Variants in PRKDC observed in about 807,000 individuals in gnomAD.
The protein encoded by PRKDC is protein kinase, DNA-activated, catalytic subunit, also known as DNA-dependent protein kinase catalytic subunit.
PRKDC carries 82 observed loss-of-function variants against 486.9 expected under a neutral mutation model. That is an observed-to-expected ratio of 0.17 (90% CI 0.14 to 0.20). PRKDC has a LOEUF of 0.20. Among genes scored for constraint, PRKDC ranks in the 10% least tolerant of loss-of-function variants. PRKDC has a pLI of 1.00. For missense variants in PRKDC, 4,504 were observed against 5,038.2 expected, an observed-to-expected ratio of 0.89 and a Z score of 3.21; for synonymous variants, 1,895 against 1,837.0, an observed-to-expected ratio of 1.03 and a Z score of -0.81.
At position 47,817,042 on chromosome 8, in the gene PRKDC, T is replaced by C. The variant is rs8178214; in HGVS notation, c.9557+408A>G. ...GACCTGGGAAAGTGACACATGACTGTGTAATGGAGTTGGGAGGTAGGAGGC... is the reference window on the plus strand; with the variant it reads ...GACCTGGGAAAGTGACACATGACTGCGTAATGGAGTTGGGAGGTAGGAGGC... On this transcript the variant is annotated intron_variant, in intron 68 of 85. Coordinates refer to ENST00000314191, the MANE Select transcript of PRKDC (RefSeq NM_006904.7). Among the ~76,000 whole-genome samples, 591 of 152,268 alleles carry C rather than the reference T, an allele frequency of 3.9e-3. 6 individuals carry two copies. The highest frequency in any genetic ancestry group is 0.014 in the Admixed American group (207 of 15,292).
intron 69 of PRKDC, 67 bp downstream of exon 69, chr8:47,807,070 A>C (rs2087227609): frequency 6.8e-7 from 1 of 1,477,980 alleles, no homozygotes; most frequent in Non-Finnish European, 9.1e-7. Flanking sequence ...AGAAAAGCTA[A>C]AATTAGAGAA....
chr8:47,791,195 G>A (rs1203629539), intron 74 of PRKDC, among the ~76,000 whole-genome samples: 6 of 152,178 alleles, frequency 3.9e-5, no homozygotes, highest in Non-Finnish European at 1.5e-5. Context: ...AGCAAAATAT[G>A]GCCGGGCGCA....
chr8:47,905,772 G>A (rs2089769469), intron 25 of PRKDC, among the ~76,000 whole-genome samples: 1 of 152,140 alleles, frequency 6.6e-6, no homozygotes, highest in South Asian at 2.1e-4. Context: ...AAGGATCCTA[G>A]GTCTAATCTT....
intron 54 of PRKDC, among the ~76,000 whole-genome samples, chr8:47,845,978 C>T (rs778265239): frequency 2.0e-5 from 3 of 152,170 alleles, no homozygotes; most frequent in Admixed American, 6.5e-5. Context: ...AAAGTCAATG[C>T]GTGACAATCA....
At chr8:47,927,718 T>A in intron 20 of PRKDC, 53 bp downstream of exon 20, 1 of 1,441,970 alleles carries the variant, frequency 6.9e-7, no homozygotes, top group Non-Finnish European at 9.1e-7. Context: ...TTCTATGTGC[T>A]CTGGGACTCA....
In PRKDC at chr8:47,893,027, G is replaced by A. The variant is rs1023814093; in HGVS notation, c.3847+112C>T. 79 of 1,276,224 alleles carry A rather than the reference G, an allele frequency of 6.2e-5. No individual in the cohort carries two copies. In the Middle Eastern group the frequency reaches 1.2e-3, roughly 20 times the overall value. 79.1% of individuals were successfully genotyped at this position (1,276,224 alleles called of 1,614,324 possible). ...AGAAGTGACATGAAAGCACGGGCAAGGTGGTGCACAGCACCTACCATCATG... is the reference window on the plus strand; with the variant it reads ...AGAAGTGACATGAAAGCACGGGCAAAGTGGTGCACAGCACCTACCATCATG... On this transcript the variant is annotated intron_variant, in intron 31 of 85. Transcript: ENST00000314191.
At chr8:47,854,342 G>A (rs555728772) in intron 50 of PRKDC, 128 bp from the exon 51 acceptor site, 9 of 1,070,770 alleles carry the variant, frequency 8.4e-6, no homozygotes, top group African/African-American at 3.1e-5. Context: ...GTGCAGTGGC[G>A]TGACTGAGAC....
chr8:47,812,138 C>T (rs929453471), intron 68 of PRKDC, among the ~76,000 whole-genome samples: 2 of 152,076 alleles, frequency 1.3e-5, no homozygotes, highest in African/African-American at 2.4e-5. Flanking sequence ...AAATACAGTA[C>T]GTAAAAATAC....
At chr8:47,887,507 A>G in intron 35 of PRKDC, 40 bp downstream of exon 35, 1 of 1,472,258 alleles carries the variant, frequency 6.8e-7, no homozygotes, top group Non-Finnish European at 9.0e-7. Context: ...ATGTATTTCT[A>G]TTATTAGGGG....
At chr8:47,799,931 G>A (rs2087064067) in intron 71 of PRKDC, among the ~76,000 whole-genome samples, 1 of 151,860 alleles carries the variant, frequency 6.6e-6, no homozygotes, top group Admixed American at 6.6e-5. Context: ...TGATGGGTGG[G>A]GAAATTTAAT....
Position 47,913,999 on chromosome 8 carries a change from C to A in PRKDC, c.2683G>T (p.Ala895Ser). 6.2e-7 allele frequency: 1 copy of A among 1,605,264 alleles called. No individual in the cohort carries two copies. The highest frequency in any genetic ancestry group is 8.5e-7 in the Non-Finnish European group (1 of 1,175,418). ...GGTTTCATCTCTCTAAAGGGCACTG[C>A]AAAGCTCAGCCGCTTCTCTCTGTCC... is the stretch of plus-strand genomic sequence containing the variant. ...AWDREKRLSF[A>S]VPFREMKPVI... Residue 895 changes from alanine to serine, a missense_variant, in exon 24 of 86, where the codon GCA becomes TCA. Around this residue, in one of 6 missense-constraint regions of PRKDC, gnomAD observed 1,969 missense variants for 2,068.9 expected, o/e 0.95. Coordinates refer to ENST00000314191, the MANE Select transcript of PRKDC (RefSeq NM_006904.7).
intron 73 of PRKDC, among the ~76,000 whole-genome samples, chr8:47,795,050 C>A (rs1160902385): frequency 3.3e-5 from 5 of 151,778 alleles, no homozygotes; most frequent in Non-Finnish European, 7.4e-5. Context: ...CCATGCCCAG[C>A]TAATTTTCGT....
chr8:47,819,373 G>GAA, intron 67 of PRKDC, 29 bp downstream of exon 67: 4 of 1,316,664 alleles, frequency 3.0e-6, no homozygotes, highest in East Asian at 2.5e-5. Flanking sequence ...AATTAGAAAT[G>GAA]AAAAAAAAAG....
At position 47,866,156 on chromosome 8, in the gene PRKDC, CAAAAAAAAAAAAAA is replaced by C. The variant is rs766279016; in HGVS notation, c.5364-1407_5364-1394del. Among the ~76,000 whole-genome samples the C allele has an allele frequency of 1.5e-4, 8 of 52,310 alleles. 1 individual carries two copies. Among genetic ancestry groups the C allele is most frequent in the African/African-American group, 4.8e-4 (8 of 16,612 alleles). The allele number at this position is 52,310 out of a possible 152,430, so 34.3% of individuals were successfully genotyped here. On this transcript the variant is annotated intron_variant, in intron 40 of 85. Transcript: ENST00000314191. The stretch of plus-strand genomic sequence containing the variant: ...GGGCAACAATAGAGAAACTCCGTCG[CAAAAAAAAAAAAAA>C]AAAAAAAAAGAGGCCCTAGAGAGTT...
chr8:47,801,023 G>T (rs750245965), intron 70 of PRKDC, 37 bp from the exon 71 acceptor site: 1 of 1,558,164 alleles, frequency 6.4e-7, no homozygotes, highest in Admixed American at 1.7e-5. Flanking sequence ...ACAAAATTTT[G>T]TATGTGTGTG....
intron 36 of PRKDC, among the ~76,000 whole-genome samples, 176 bp downstream of exon 36, chr8:47,885,768 T>C (rs549728152): frequency 6.6e-6 from 1 of 152,168 alleles, no homozygotes; most frequent in South Asian, 2.1e-4. Flanking sequence ...GGCGGGTGCC[T>C]GTAATCCCAG....
At chr8:47,806,090 A>C (rs1172598903) in intron 69 of PRKDC, among the ~76,000 whole-genome samples, 1 of 152,010 alleles carries the variant, frequency 6.6e-6, no homozygotes, top group African/African-American at 2.4e-5. Flanking sequence ...ACCCTAAATC[A>C]CATCCCCCTT....
chr8:47,838,659 C>A (rs2088078367), intron 56 of PRKDC, among the ~76,000 whole-genome samples: 1 of 152,164 alleles, frequency 6.6e-6, no homozygotes, highest in African/African-American at 2.4e-5. Context: ...CTTATATAAT[C>A]AGTATTTGGT....
intron 31 of PRKDC, among the ~76,000 whole-genome samples, chr8:47,891,921 T>G (rs1323501553): frequency 6.6e-6 from 1 of 152,028 alleles, no homozygotes; most frequent in East Asian, 1.9e-4. Context: ...CAGGCTGGAG[T>G]GCTCTGGTGC....
Sources: gnomAD v4.1 joint callset for allele counts (sites outside exome capture counted in the v4.1 genomes callset) on GRCh38, gnomAD v4.1.1 for gene constraint, gnomAD v4.1.1 regional missense constraint, MANE v1.5 for transcripts, NCBI Gene and HGNC (gene_info 2026-07-23, HGNC 2026-07-21) for gene names.